The following PPARGC1A variants were observed in gnomAD, a reference collection of about 807,000 sequenced individuals.
The protein encoded by PPARGC1A is peroxisome proliferator-activated receptor gamma coactivator 1-alpha.
Under a neutral mutation model 88.7 loss-of-function variants are expected in PPARGC1A, and 25 were observed. The ratio of observed to expected loss-of-function variants is 0.28; its 90% CI spans 0.21 to 0.39. PPARGC1A has a LOEUF of 0.39. PPARGC1A is among the 10% of genes least tolerant of loss of function. The pLI, the probability that PPARGC1A is intolerant of heterozygous loss-of-function variation, is 1.00. For missense variants in PPARGC1A, 880 were observed against 968.7 expected (o/e 0.91, Z 1.22); for synonymous variants, 363 against 355.6 (o/e 1.02, Z -0.24).
At chr4:24,356,694 T>C in the PPARGC1A span, among the ~76,000 whole-genome samples, 4 of 152,200 alleles carry the variant, frequency 2.6e-5, no homozygotes, top group East Asian at 7.7e-4. Context: ...CATCCTCTTT[T>C]ATCACAGTAA....
chr4:23,856,608 T>A lies in PPARGC1A; in HGVS notation c.235-24857A>T, dbSNP rs1193718716. 2.6e-5 allele frequency among the ~76,000 whole-genome samples: 4 copies of A among 152,204 alleles called. No homozygotes were observed. In the East Asian group the frequency reaches 7.7e-4, roughly 29 times the overall value. On this transcript the variant is annotated intron_variant, in intron 2 of 12. Coordinates refer to ENST00000264867, the MANE Select transcript of PPARGC1A (RefSeq NM_013261.5). ...GTAGCTTAGTCATTTCCCTTTAGCC[T>A]CTGTAGAGAGAATCCCAATTTGGTC...
chr4:24,370,847 G>A, the PPARGC1A span, among the ~76,000 whole-genome samples: 14 of 143,032 alleles, frequency 9.8e-5, no homozygotes, highest in Admixed American at 6.6e-4. Flanking sequence ...ATGCACCATG[G>A]TGGTTTGCTG....
the PPARGC1A span, among the ~76,000 whole-genome samples, chr4:24,082,673 G>T: frequency 2.8e-3 from 420 of 152,128 alleles, 5 homozygotes; most frequent in East Asian, 0.052. Flanking sequence ...CTTTAGACAC[G>T]CAAGAGCTGC....
chr4:24,292,390 G>C, the PPARGC1A span, among the ~76,000 whole-genome samples: 4 of 151,804 alleles, frequency 2.6e-5, no homozygotes, highest in African/African-American at 9.7e-5. Context: ...TGGTACCCAA[G>C]ACCCAATGCT....
the PPARGC1A span, among the ~76,000 whole-genome samples, chr4:24,461,312 T>C: frequency 2.0e-5 from 3 of 152,042 alleles, no homozygotes; most frequent in East Asian, 5.8e-4. Flanking sequence ...TGGAGAGGAG[T>C]TCCTACTTCT....
the PPARGC1A span, among the ~76,000 whole-genome samples, chr4:24,386,611 G>C: frequency 6.6e-6 from 1 of 152,076 alleles, no homozygotes; most frequent in Non-Finnish European, 1.5e-5. Context: ...GACAAACAGA[G>C]AGCCAAATCA....
the PPARGC1A span, among the ~76,000 whole-genome samples, chr4:24,372,259 T>G: frequency 6.6e-6 from 1 of 152,102 alleles, no homozygotes; most frequent in Non-Finnish European, 1.5e-5. Context: ...AATAAGGGAG[T>G]TTACCTAAAT....
chr4:24,301,377 T>G, the PPARGC1A span, among the ~76,000 whole-genome samples: 1 of 152,066 alleles, frequency 6.6e-6, no homozygotes, highest in Non-Finnish European at 1.5e-5. Context: ...TTTACAGCCT[T>G]TCATCCCTAA....
chr4:24,138,219 T>TC, the PPARGC1A span, among the ~76,000 whole-genome samples: 1 of 152,026 alleles, frequency 6.6e-6, no homozygotes, highest in Non-Finnish European at 1.5e-5. Flanking sequence ...TGGTCATGCA[T>TC]CCCCCCTTTT....
chr4:24,348,551 T>C, the PPARGC1A span, among the ~76,000 whole-genome samples: 1 of 152,204 alleles, frequency 6.6e-6, no homozygotes, highest in Non-Finnish European at 1.5e-5. Flanking sequence ...TTCAAATACC[T>C]TGTCTTGGAG....
the PPARGC1A span, among the ~76,000 whole-genome samples, chr4:24,298,722 T>C: frequency 6.6e-6 from 1 of 152,146 alleles, no homozygotes; most frequent in African/African-American, 2.4e-5. Context: ...GTGTAGTGTC[T>C]CAATAAAACA....
At chr4:24,386,057 C>T in the PPARGC1A span, among the ~76,000 whole-genome samples, 3 of 152,212 alleles carry the variant, frequency 2.0e-5, no homozygotes, top group Non-Finnish European at 2.9e-5. Flanking sequence ...ATCAAGTCAG[C>T]TTCATCCCTG....
the PPARGC1A span, among the ~76,000 whole-genome samples, chr4:24,166,238 C>T: frequency 5.9e-5 from 9 of 152,168 alleles, no homozygotes; most frequent in South Asian, 2.1e-4. Context: ...AAGGAGAGGA[C>T]GCTGCAGAAG....
chr4:24,081,742 A>C, the PPARGC1A span, among the ~76,000 whole-genome samples: 1 of 148,754 alleles, frequency 6.7e-6, no homozygotes, highest in East Asian at 1.9e-4. Context: ...TTAAGAACAC[A>C]ATTTTTTTTT....
At chr4:23,862,922 A>T (rs1458931794) in intron 2 of PPARGC1A, among the ~76,000 whole-genome samples, 2 of 152,100 alleles carry the variant, frequency 1.3e-5, no homozygotes, top group Non-Finnish European at 2.9e-5. Context: ...TTGTTCATGG[A>T]CTTCCTTCCA....
At chr4:24,429,271 C>T in the PPARGC1A span, among the ~76,000 whole-genome samples, 1 of 152,138 alleles carries the variant, frequency 6.6e-6, no homozygotes, top group East Asian at 1.9e-4. Flanking sequence ...CTCTGTTTCA[C>T]ACACATGCAA....
At chr4:24,213,293 G>A in the PPARGC1A span, among the ~76,000 whole-genome samples, 3 of 150,988 alleles carry the variant, frequency 2.0e-5, no homozygotes, top group Non-Finnish European at 4.4e-5. Context: ...CAGCCTCCCT[G>A]GTAGCTGGGA....
At chr4:24,234,940 T>C in the PPARGC1A span, among the ~76,000 whole-genome samples, 3 of 152,338 alleles carry the variant, frequency 2.0e-5, no homozygotes, top group South Asian at 2.1e-4. Flanking sequence ...TCTAGAGGAA[T>C]AATGGAGACA....
At chr4:24,412,396 GA>G in the PPARGC1A span, among the ~76,000 whole-genome samples, 2,097 of 151,380 alleles carry the variant, frequency 0.014, 62 homozygotes, top group East Asian at 0.11. Context: ...TGGTTAGGGG[GA>G]AAAAAAACAA....
Sources: gnomAD v4.1 joint callset for allele counts (sites outside exome capture counted in the v4.1 genomes callset) on GRCh38, gnomAD v4.1.1 for gene constraint, MANE v1.5 for transcripts, NCBI Gene and HGNC (gene_info 2026-07-23, HGNC 2026-07-21) for gene names.